Variants in SPAG17 observed in about 807,000 individuals in gnomAD.
SPAG17 encodes sperm associated antigen 17, also known as sperm-associated antigen 17.
A neutral mutation model predicts 273.6 loss-of-function variants in SPAG17; 169 were observed. The observed-to-expected ratio is 0.62, with a 90% CI of 0.55 to 0.70. The LOEUF (loss-of-function observed/expected upper bound fraction) is 0.70. Among genes scored for constraint, SPAG17 ranks in the 30% least tolerant of loss-of-function variants. The probability of loss-of-function intolerance (pLI) is 0.00; values close to 1 mark genes in which losing one functional copy is unlikely to be tolerated. For missense variants in SPAG17, 2,557 were observed against 2,627.8 expected (o/e 0.97, Z 0.59); for synonymous variants, 825 against 873.2 (o/e 0.94, Z 0.97).
intron 3 of SPAG17, among the ~76,000 whole-genome samples, chr1:118,149,558 G>T (rs144641116): frequency 2.0e-3 from 300 of 152,304 alleles, no homozygotes; most frequent in African/African-American, 7.1e-3. Context: ...CAAAAGCACA[G>T]ATAACTTTGG....
intron 15 of SPAG17, among the ~76,000 whole-genome samples, chr1:118,075,473 T>C (rs778389157): frequency 9.2e-5 from 14 of 152,260 alleles, no homozygotes; most frequent in Non-Finnish European, 1.6e-4. Flanking sequence ...AACATCTCAC[T>C]ATGAATGTCT....
chr1:118,104,605 C>T (rs1486169512), intron 4 of SPAG17, among the ~76,000 whole-genome samples: 2 of 152,122 alleles, frequency 1.3e-5, no homozygotes, highest in Non-Finnish European at 2.9e-5. Context: ...GACTCCAATG[C>T]TTACCAATGG....
chr1:117,994,596 A>G, intron 34 of SPAG17, 66 bp from the exon 35 acceptor site: 1 of 1,507,306 alleles, frequency 6.6e-7, no homozygotes, highest in Non-Finnish European at 8.9e-7. Flanking sequence ...ATGAAAACGC[A>G]TTGACTAAAT....
chr1:118,041,259 T>TG (rs1649717999), intron 21 of SPAG17, among the ~76,000 whole-genome samples: 1 of 152,066 alleles, frequency 6.6e-6, no homozygotes. Context: ...GTCCAGGGGA[T>TG]TTAATGCATG....
intron 7 of SPAG17, among the ~76,000 whole-genome samples, chr1:118,093,657 C>T (rs1188898518): frequency 2.6e-5 from 4 of 152,244 alleles, no homozygotes; most frequent in East Asian, 3.9e-4. Flanking sequence ...ATCCTAAACA[C>T]GTTAGGTAAC....
chr1:118,031,963 A>G (rs1648526936), intron 24 of SPAG17, 96 bp from the exon 25 acceptor site: 1 of 991,474 alleles, frequency 1.0e-6, no homozygotes, highest in African/African-American at 1.6e-5. Context: ...ACACAAGTTG[A>G]CAACAATTTT....
chr1:117,990,992 T>C (rs1176183584), intron 37 of SPAG17, 86 bp from the exon 38 acceptor site: 3 of 710,810 alleles, frequency 4.2e-6, no homozygotes, highest in East Asian at 3.0e-5. Context: ...GCTGATCTTT[T>C]GTAAAAACTA....
At chr1:118,074,726 G>C (rs1254002152) in intron 15 of SPAG17, 126 bp from the exon 16 acceptor site, 2 of 830,910 alleles carry the variant, frequency 2.4e-6, no homozygotes, top group African/African-American at 3.4e-5. Context: ...TGCCTGAAAG[G>C]CATGTTTTGT....
chr1:118,181,881 C>T (rs1243668600), intron 1 of SPAG17, among the ~76,000 whole-genome samples: 1 of 151,986 alleles, frequency 6.6e-6, no homozygotes, highest in South Asian at 2.1e-4. Flanking sequence ...TTTGAAAGCC[C>T]GAGGTGGAAG....
intron 4 of SPAG17, among the ~76,000 whole-genome samples, chr1:118,113,765 G>T (rs1407712836): frequency 6.6e-6 from 1 of 152,056 alleles, no homozygotes; most frequent in East Asian, 1.9e-4. Context: ...CATACCTTTA[G>T]AACCTCTTAA....
chr1:118,095,328 G>A (rs1655637190), intron 7 of SPAG17, among the ~76,000 whole-genome samples: 1 of 152,194 alleles, frequency 6.6e-6, no homozygotes, highest in South Asian at 2.1e-4. Context: ...CTGCATTTCA[G>A]CTTTATGCAG....
intron 3 of SPAG17, among the ~76,000 whole-genome samples, chr1:118,146,523 C>T (rs74964335): frequency 2.0e-5 from 3 of 152,262 alleles, no homozygotes; most frequent in South Asian, 2.1e-4. Flanking sequence ...AAAATATGTA[C>T]GGAATTCATC....
chr1:117,994,635 A>C, intron 34 of SPAG17, 105 bp from the exon 35 acceptor site: 1 of 1,173,412 alleles, frequency 8.5e-7, no homozygotes, highest in Non-Finnish European at 1.2e-6. Context: ...ACAGACTTAG[A>C]CATGAAAGAC....
At position 117,996,583 on chromosome 1, in the gene SPAG17, G is replaced by A. The variant is rs1427251194; in HGVS notation, c.4922+15C>T. 6.2e-7 allele frequency: 1 copy of A among 1,606,484 alleles called. No individual in the cohort carries two copies. The highest frequency in any genetic ancestry group is 1.1e-5 in the South Asian group (1 of 89,736). On this transcript the variant is annotated intron_variant, in intron 33 of 48. Coordinates refer to ENST00000336338, the MANE Select transcript of SPAG17 (RefSeq NM_206996.4). ...ACTCAGAATTAAAAGTAAAATTATA[G>A]TATTATTCTTTTACCTGGGGACATG... is the stretch of plus-strand genomic sequence containing the variant.
At chr1:118,136,797 G>A (rs1658386377) in intron 3 of SPAG17, among the ~76,000 whole-genome samples, 2 of 98,992 alleles carry the variant, frequency 2.0e-5, no homozygotes, top group Non-Finnish European at 4.1e-5. Context: ...GTGTGTGTGT[G>A]TGTATGTGTG....
In SPAG17 at chr1:118,028,302, C is replaced by G. The variant is rs1461351416; in HGVS notation, c.3702G>C (p.Leu1234=). 1 of 1,613,620 alleles carries G rather than the reference C, an allele frequency of 6.2e-7. No homozygotes were observed. The highest frequency in any genetic ancestry group is 1.1e-5 in the South Asian group (1 of 91,018). ...TAGATTCTTGTCCAATGAAAGTCAA[C>G]AGGAGCCCACTGGGGCAAGACACAT... The part of the protein sequence containing the change: ...SLNVSCPSGL[L]LTFIGQESTG... Residue 1234 remains leucine (L), a synonymous_variant, in exon 26 of 49, where the codon CTG becomes CTC. Coordinates refer to ENST00000336338, the MANE Select transcript of SPAG17 (RefSeq NM_206996.4).
Position 118,005,537 on chromosome 1 carries a change from C to G in SPAG17, c.4653G>C (p.Glu1551Asp), listed in dbSNP as rs542354218. Residue 1551 changes from glutamate to aspartate, a missense_variant, in exon 32 of 49, where the codon GAG (glutamate) becomes GAC (aspartate). By Grantham distance (45) the Glu-to-Asp change is conservative. Transcript: ENST00000336338. ...AAGGATAGTATATATTACTGCTTGA[C>G]TCATGGCAGTACACAGCTGAACAAT... ...DKDCSAVYCH[E>D]SSSNIYYPFQ... 2 of 1,610,226 alleles carry G rather than the reference C, an allele frequency of 1.2e-6. No homozygotes were observed. The highest frequency in any genetic ancestry group is 1.7e-6 in the Non-Finnish European group (2 of 1,178,104).
At chr1:118,121,473 G>C (rs527839333) in intron 3 of SPAG17, among the ~76,000 whole-genome samples, 1 of 152,256 alleles carries the variant, frequency 6.6e-6, no homozygotes, top group South Asian at 2.1e-4. Flanking sequence ...GCAGGTGAGG[G>C]AGCATTACTG....
chr1:118,172,333 G>T (rs368681710), intron 1 of SPAG17, among the ~76,000 whole-genome samples: 8 of 152,164 alleles, frequency 5.3e-5, no homozygotes, highest in African/African-American at 1.2e-4. Flanking sequence ...CATCATTGCA[G>T]AATGAAATTA....
Sources: allele counts gnomAD v4.1 joint callset (sites outside exome capture counted in the v4.1 genomes callset), GRCh38; gene constraint gnomAD v4.1.1; transcripts MANE v1.5; gene names NCBI Gene and HGNC (gene_info 2026-07-23, HGNC 2026-07-21).